OPCML: variants seen among roughly 807,000 people sequenced by gnomAD.
The protein encoded by OPCML is opioid binding protein/cell adhesion molecule like, also known as opioid-binding protein/cell adhesion molecule.
In OPCML, 13 loss-of-function variants were observed where a neutral mutation model predicts 37.8. The observed-to-expected ratio is 0.34, with a 90% confidence interval of 0.22 to 0.55. The LOEUF is 0.55. Ranked by LOEUF, OPCML falls within the 20% of genes least tolerant of loss-of-function variation. The probability of loss-of-function intolerance (pLI) is 0.91; values close to 1 mark genes in which losing one functional copy is unlikely to be tolerated. For missense variants in OPCML, 341 were observed against 435.6 expected (o/e 0.78, Z 1.93); for synonymous variants, 176 against 168.8 (o/e 1.04, Z -0.33).
At chr11:132,558,337 TCC>T (rs2096401565) in intron 3 of OPCML, among the ~76,000 whole-genome samples, 1 of 23,580 alleles carries the variant, frequency 4.2e-5, no homozygotes, top group African/African-American at 1.9e-4. Context: ...CCCCCCCTCC[TCC>T]TCTCCCCCTC....
rs1591985645 is a variant in OPCML, at chr11:133,083,070, C to T, written c.62-140060G>A. On this transcript the variant is annotated intron_variant, in intron 1 of 7. Transcript: ENST00000524381. ...CTGGTGGAGCCACAGGGCACCCGCC[C>T]GGAAACACCGCCTGCGCCCCGACGG... Among the ~76,000 whole-genome samples, 4 of 150,412 alleles carry T rather than the reference C, an allele frequency of 2.7e-5. No individual in the cohort carries two copies. In the East Asian group the frequency reaches 5.9e-4, roughly 22 times the overall value.
chr11:132,785,494 G>A (rs1947179015), intron 2 of OPCML, among the ~76,000 whole-genome samples: 1 of 152,174 alleles, frequency 6.6e-6, no homozygotes, highest in Non-Finnish European at 1.5e-5. Flanking sequence ...CCATAAAATA[G>A]CCACAAATAT....
intron 2 of OPCML, among the ~76,000 whole-genome samples, chr11:132,923,141 T>C (rs1048414968): frequency 6.6e-6 from 1 of 152,074 alleles, no homozygotes; most frequent in Non-Finnish European, 1.5e-5. Context: ...AAGATTATGT[T>C]ACAGTTAACA....
At chr11:132,486,247 G>C (rs1220567290) in intron 4 of OPCML, among the ~76,000 whole-genome samples, 2 of 152,132 alleles carry the variant, frequency 1.3e-5, no homozygotes, top group East Asian at 3.9e-4. Flanking sequence ...ACCAACTGTT[G>C]ACAGCATACG....
At chr11:132,927,473 G>C (rs1343039629) in intron 2 of OPCML, among the ~76,000 whole-genome samples, 1 of 152,006 alleles carries the variant, frequency 6.6e-6, no homozygotes, top group Non-Finnish European at 1.5e-5. Flanking sequence ...TCCATATCCA[G>C]CAAAACTGTC....
intron 2 of OPCML, among the ~76,000 whole-genome samples, chr11:132,700,400 C>T (rs1943760413): frequency 6.6e-6 from 1 of 151,652 alleles, no homozygotes; most frequent in African/African-American, 2.4e-5. Flanking sequence ...AGATTTTTTT[C>T]CCTCTAATAT....
chr11:132,921,036 C>T (rs961266354), intron 2 of OPCML, among the ~76,000 whole-genome samples: 16 of 152,188 alleles, frequency 1.1e-4, no homozygotes, highest in African/African-American at 3.4e-4. Flanking sequence ...TTCTACTCCC[C>T]GCCACATGCT....
At chr11:133,043,902 C>G (rs1565415285) in intron 1 of OPCML, among the ~76,000 whole-genome samples, 2 of 152,336 alleles carry the variant, frequency 1.3e-5, no homozygotes, top group East Asian at 3.9e-4. Flanking sequence ...CATACATTCA[C>G]TTAAAATAAA....
chr11:133,326,533 TG>T (rs1204420109), intron 1 of OPCML, among the ~76,000 whole-genome samples: 4 of 116,248 alleles, frequency 3.4e-5, no homozygotes, highest in African/African-American at 1.0e-4. Flanking sequence ...TGTAAGTGTG[TG>T]GGGGGAGTGG....
Position 132,993,392 on chromosome 11 carries a change from T to A in OPCML, c.62-50382A>T, listed in dbSNP as rs151184350. ...GGAAAGCACCCTGCATCCTGTGTCC[T>A]TTTCCATCTGGTTGATGTTACATTG... is the stretch of plus-strand genomic sequence containing the variant. On this transcript the variant is annotated intron_variant, in intron 1 of 7. Transcript: ENST00000524381. Among the ~76,000 whole-genome samples, 300 of 152,258 alleles carry A rather than the reference T, an allele frequency of 2.0e-3. 5 individuals carry two copies. The highest frequency in any genetic ancestry group is 8.1e-3 in the East Asian group (42 of 5,160).
At chr11:132,885,012 T>C (rs954237184) in intron 2 of OPCML, among the ~76,000 whole-genome samples, 1 of 152,174 alleles carries the variant, frequency 6.6e-6, no homozygotes, top group Non-Finnish European at 1.5e-5. Flanking sequence ...ACATTGATCA[T>C]GTGCAGTGGA....
chr11:132,827,369 C>A (rs768440789), intron 2 of OPCML, among the ~76,000 whole-genome samples: 1 of 152,128 alleles, frequency 6.6e-6, no homozygotes, highest in Non-Finnish European at 1.5e-5. Flanking sequence ...TATCACTACA[C>A]ACCTACTTGA....
chr11:132,989,402 T>A (rs374740025), intron 1 of OPCML, among the ~76,000 whole-genome samples: 1 of 152,184 alleles, frequency 6.6e-6, no homozygotes. Flanking sequence ...AAAAAATGCA[T>A]GTCCTATTTA....
At chr11:132,942,875 C>G (rs762688527) in intron 2 of OPCML, 51 bp downstream of exon 2, 1 of 1,606,740 alleles carries the variant, frequency 6.2e-7, no homozygotes, top group Non-Finnish European at 8.5e-7. Context: ...CCTCCTCTCC[C>G]CAGCGACCAC....
chr11:132,704,815 C>T (rs1471130197), intron 2 of OPCML, among the ~76,000 whole-genome samples: 7 of 152,150 alleles, frequency 4.6e-5, no homozygotes, highest in Non-Finnish European at 7.4e-5. Flanking sequence ...ATACCATTTA[C>T]AAAGCTGTAA....
intron 1 of OPCML, among the ~76,000 whole-genome samples, chr11:133,221,055 A>G (rs1320348777): frequency 1.3e-5 from 2 of 152,122 alleles, no homozygotes; most frequent in Non-Finnish European, 2.9e-5. Context: ...TTAGATCCCC[A>G]AACTATTTTG....
At chr11:132,840,831 T>C (rs889638549) in intron 2 of OPCML, among the ~76,000 whole-genome samples, 1 of 151,856 alleles carries the variant, frequency 6.6e-6, no homozygotes, top group African/African-American at 2.4e-5. Context: ...AAAATGTTGA[T>C]GAGGCCGCTG....
At chr11:133,130,502 TAAAAG>T (rs1206802828) in intron 1 of OPCML, among the ~76,000 whole-genome samples, 1 of 152,106 alleles carries the variant, frequency 6.6e-6, no homozygotes, top group African/African-American at 2.4e-5. Flanking sequence ...CAAATTCTGA[TAAAAG>T]AAATCAAAGA....
chr11:133,462,046 TAA>T (rs1341866829), intron 1 of OPCML, among the ~76,000 whole-genome samples: 1 of 151,886 alleles, frequency 6.6e-6, no homozygotes, highest in Non-Finnish European at 1.5e-5. Flanking sequence ...GTCTTTTCAA[TAA>T]AAAGTTTGAG....
Sources: gnomAD v4.1 joint callset for allele counts (sites outside exome capture counted in the v4.1 genomes callset) on GRCh38, gnomAD v4.1.1 for gene constraint, MANE v1.5 for transcripts, NCBI Gene and HGNC (gene_info 2026-07-23, HGNC 2026-07-21) for gene names.